The following PKHD1L1 variants were observed in gnomAD, a reference collection of about 807,000 sequenced individuals.
PKHD1L1 encodes the protein PKHD1 like 1, also known as fibrocystin-L.
In PKHD1L1, 434 loss-of-function variants were observed where a neutral mutation model predicts 462.9. That is an observed-to-expected ratio of 0.94 (90% confidence interval 0.87 to 1.02). PKHD1L1 has a LOEUF of 1.02. Among genes scored for constraint, PKHD1L1 ranks in the 50% least tolerant of loss-of-function variants. The pLI is 0.00. For synonymous variants in PKHD1L1, 1,781 were observed against 1,750.0 expected (o/e 1.02, Z -0.44); for missense variants, 5,202 against 5,096.1 (o/e 1.02, Z -0.63).
chr8:109,420,067 A>T (rs1358225723), intron 22 of PKHD1L1, among the ~76,000 whole-genome samples: 1 of 152,160 alleles, frequency 6.6e-6, no homozygotes, highest in African/African-American at 2.4e-5. Context: ...CTTAGAACCT[A>T]CTATGTGTCA....
At chr8:109,420,488 C>T in intron 22 of PKHD1L1, 30 bp from the exon 23 acceptor site, 5 of 1,409,156 alleles carry the variant, frequency 3.5e-6, no homozygotes, top group Admixed American at 2.9e-5. Flanking sequence ...ACTTTTACAC[C>T]AACCTAATAT....
intron 22 of PKHD1L1, 22 bp from the exon 23 acceptor site, chr8:109,420,496 T>C: frequency 6.8e-7 from 1 of 1,464,238 alleles, no homozygotes; most frequent in East Asian, 2.6e-5. Context: ...ACCAACCTAA[T>C]ATTTTTATTT....
rs550656671 is a variant in PKHD1L1 at position 109,431,188 on chromosome 8, A to C, written c.3229+1151A>C. Reference sequence around the variant, plus strand: ...TTACCATGTTGGCCAGGATGGTTGAATTCCCACTTTTACATGCACTTCCTG... The same window carrying C: ...TTACCATGTTGGCCAGGATGGTTGACTTCCCACTTTTACATGCACTTCCTG... On this transcript the variant is annotated intron_variant, in intron 27 of 77. Transcript: ENST00000378402. Among the ~76,000 whole-genome samples, 5 of 152,198 alleles carry C rather than the reference A, an allele frequency of 3.3e-5. No individual in the cohort carries two copies. In the South Asian group the frequency reaches 1.0e-3, roughly 32 times the overall value.
intron 21 of PKHD1L1, 140 bp downstream of exon 21, chr8:109,413,685 A>AT (rs1813980733): frequency 1.1e-5 from 6 of 522,506 alleles, no homozygotes; most frequent in Non-Finnish European, 1.5e-5. Context: ...ATGGATGTAA[A>AT]TGGCAGTTTT....
intron 21 of PKHD1L1, among the ~76,000 whole-genome samples, chr8:109,416,143 A>G (rs1410831208): frequency 2.0e-5 from 3 of 152,136 alleles, no homozygotes; most frequent in African/African-American, 7.2e-5. Context: ...AACTTTAATA[A>G]GGGCGTTAAG....
chr8:109,454,479 A>G (rs1586550536), intron 44 of PKHD1L1, among the ~76,000 whole-genome samples: 1 of 152,270 alleles, frequency 6.6e-6, no homozygotes, highest in African/African-American at 2.4e-5. Flanking sequence ...TTAAAATAGA[A>G]CAGGAAAGAA....
chr8:109,472,850 GA>G (rs1817793063), intron 50 of PKHD1L1, among the ~76,000 whole-genome samples: 1 of 152,084 alleles, frequency 6.6e-6, no homozygotes, highest in South Asian at 2.1e-4. Context: ...TATGCTGAGT[GA>G]AACAAAAGTT....
At chr8:109,503,519 G>T (rs555397418) in intron 67 of PKHD1L1, among the ~76,000 whole-genome samples, 1 of 152,196 alleles carries the variant, frequency 6.6e-6, no homozygotes, top group East Asian at 1.9e-4. Context: ...AATTAAGAAG[G>T]GGCATAGATA....
chr8:109,444,912 C>G lies in PKHD1L1; in HGVS notation c.5043C>G (p.Gly1681=). ...TTGMTSVTIK[G]SGFAVSSAGV... is the part of the protein sequence containing the mutation. ...GAATGACAAGCGTGACCATAAAAGG[C>G]TCTGGATTTGCCGTTTCTTCTGCAG... is the stretch of plus-strand genomic sequence containing the variant. Residue 1681 remains glycine, a synonymous_variant, in exon 38 of 78, where the codon GGC becomes GGG. Coordinates refer to ENST00000378402, the MANE Select transcript of PKHD1L1 (RefSeq NM_177531.6). 1 of 1,613,980 alleles carries G rather than the reference C, an allele frequency of 6.2e-7. No homozygotes were observed. Among genetic ancestry groups the G allele is most frequent in the South Asian group, 1.1e-5 (1 of 91,082 alleles).
At chr8:109,385,336 C>G (rs1166153421) in intron 5 of PKHD1L1, among the ~76,000 whole-genome samples, 2 of 150,972 alleles carry the variant, frequency 1.3e-5, no homozygotes, top group Non-Finnish European at 2.9e-5. Context: ...CACTTCTTTA[C>G]TCAATGAATA....
chr8:109,444,499 A>G (rs1816002897), intron 37 of PKHD1L1, among the ~76,000 whole-genome samples, 162 bp from the exon 38 acceptor site: 1 of 152,172 alleles, frequency 6.6e-6, no homozygotes. Flanking sequence ...AATTTAATCC[A>G]AGAGATGCGT....
At chr8:109,408,604 T>C (rs1273956238) in intron 18 of PKHD1L1, among the ~76,000 whole-genome samples, 2 of 152,188 alleles carry the variant, frequency 1.3e-5, no homozygotes, top group Non-Finnish European at 2.9e-5. Flanking sequence ...AGTTTAAATA[T>C]CCTATTATTT....
Position 109,396,030 on chromosome 8 carries a change from T to G in PKHD1L1, c.815T>G (p.Val272Gly), listed in dbSNP as rs1812954972. The part of the protein sequence containing the change: ...KIAMFQTYAE[V>G]TMIFPSQGSI... ...ATTTAATGTGGTTTTCCCCCAGAGGTCACCATGATTTTCCCTTCACAAGGA... is the reference window on the plus strand; with the variant it reads ...ATTTAATGTGGTTTTCCCCCAGAGGGCACCATGATTTTCCCTTCACAAGGA... The change falls in exon 11 of 78, where the codon GTC (valine) becomes GGC (glycine). Residue 272 changes from valine to glycine, a missense_variant. Val to Gly is a moderately radical substitution (Grantham distance 109, BLOSUM62 -3). This residue lies in a region of PKHD1L1 where 4,497 missense variants were observed against 4,336.8 expected (regional missense o/e 1.04). Transcript: ENST00000378402. 6.3e-7 allele frequency: 1 copy of G among 1,590,110 alleles called. No individual in the cohort carries two copies. The highest frequency in any genetic ancestry group is 8.6e-7 in the Non-Finnish European group (1 of 1,166,452).
At chr8:109,499,604 T>G (rs1260208220) in intron 67 of PKHD1L1, among the ~76,000 whole-genome samples, 1 of 152,236 alleles carries the variant, frequency 6.6e-6, no homozygotes, top group Admixed American at 6.5e-5. Flanking sequence ...ACTGCCCTTA[T>G]GAAATGAAGC....
chr8:109,440,919 T>C lies in PKHD1L1; in HGVS notation c.4099+67T>C. On this transcript the variant is annotated intron_variant, in intron 33 of 77. Transcript: ENST00000378402. ...AGCTTAAAGGATATACTACAGGTGC[T>C]GAGTTATTATATGAATATTCTAAAT... 3 of 1,493,316 alleles carry C rather than the reference T, an allele frequency of 2.0e-6. No individual in the cohort carries two copies. The African/African-American group carries it at 4.2e-5, about 21-fold the overall frequency. 92.5% of individuals were successfully genotyped at this position (1,493,316 alleles called of 1,614,324 possible).
At chr8:109,378,042 A>C (rs1188935148) in intron 2 of PKHD1L1, among the ~76,000 whole-genome samples, 1 of 152,094 alleles carries the variant, frequency 6.6e-6, no homozygotes, top group Non-Finnish European at 1.5e-5. Flanking sequence ...TATTCTGCCC[A>C]TCTGAAAAAA....
At chr8:109,500,520 CA>C (rs542817713) in intron 67 of PKHD1L1, among the ~76,000 whole-genome samples, 6,157 of 43,686 alleles carry the variant, frequency 0.14, 214 homozygotes, top group African/African-American at 0.24. Flanking sequence ...ACTAAAAATA[CA>C]AAAAAAAAAA....
intron 2 of PKHD1L1, among the ~76,000 whole-genome samples, chr8:109,366,697 T>C (rs1811249953): frequency 6.6e-6 from 1 of 151,194 alleles, no homozygotes; most frequent in Admixed American, 6.6e-5. Flanking sequence ...TATGATTTTT[T>C]TTTTTTTTTT....
At chr8:109,501,408 G>A (rs1453575747) in intron 67 of PKHD1L1, among the ~76,000 whole-genome samples, 1 of 152,140 alleles carries the variant, frequency 6.6e-6, no homozygotes, top group African/African-American at 2.4e-5. Context: ...CTAGTATGGT[G>A]GTGCTAACTG....
Sources: gnomAD v4.1 joint callset for allele counts (sites outside exome capture counted in the v4.1 genomes callset) on GRCh38, gnomAD v4.1.1 for gene constraint, gnomAD v4.1.1 regional missense constraint, MANE v1.5 for transcripts, NCBI Gene and HGNC (gene_info 2026-07-23, HGNC 2026-07-21) for gene names.